IGSF5: variants seen among roughly 807,000 people sequenced by gnomAD.
IGSF5 encodes immunoglobulin superfamily member 5, also known as immunoglobulin superfamily 5 like.
A neutral mutation model predicts 39.4 loss-of-function variants in IGSF5; 41 were observed. The ratio of observed to expected loss-of-function variants is 1.04; its 90% CI spans 0.81 to 1.35. The LOEUF is 1.35. IGSF5 is among the 40% of genes most tolerant of loss of function. The pLI is 0.00. For missense variants in IGSF5, 487 were observed against 494.6 expected, an observed-to-expected ratio of 0.98 and a Z score of 0.15; for synonymous variants, 183 against 175.3, an observed-to-expected ratio of 1.04 and a Z score of -0.34.
chr21:39,795,941 C>T (rs1030290654), intron 8 of IGSF5, among the ~76,000 whole-genome samples: 1 of 152,098 alleles, frequency 6.6e-6, no homozygotes, highest in Non-Finnish European at 1.5e-5. Flanking sequence ...ATAACTGGAT[C>T]TTTCTACTCA....
the IGSF5 span, among the ~76,000 whole-genome samples, chr21:39,715,899 G>T: frequency 6.6e-6 from 1 of 152,088 alleles, no homozygotes; most frequent in Non-Finnish European, 1.5e-5. Flanking sequence ...GTGTGGGGGG[G>T]TGGCTGGGGA....
At chr21:39,798,185 A>G (rs920691921) in intron 8 of IGSF5, among the ~76,000 whole-genome samples, 1 of 152,172 alleles carries the variant, frequency 6.6e-6, no homozygotes, top group African/African-American at 2.4e-5. Context: ...GGCTAGGCTT[A>G]AGGGTTATTG....
intron 2 of IGSF5, among the ~76,000 whole-genome samples, chr21:39,754,083 ACC>A (rs1435186965): frequency 6.6e-6 from 1 of 151,984 alleles, no homozygotes; most frequent in African/African-American, 2.4e-5. Flanking sequence ...TGTTTTATAG[ACC>A]CTGTGAGATT....
chr21:39,778,253 G>C (rs1024004963), intron 4 of IGSF5, among the ~76,000 whole-genome samples: 2 of 152,212 alleles, frequency 1.3e-5, no homozygotes, highest in Non-Finnish European at 2.9e-5. Context: ...AATGTGGCTA[G>C]TGCAACTGAG....
At chr21:39,774,917 C>T (rs959070528) in intron 4 of IGSF5, among the ~76,000 whole-genome samples, 1 of 152,182 alleles carries the variant, frequency 6.6e-6, no homozygotes, top group African/African-American at 2.4e-5. Context: ...AACTTCAGGG[C>T]TCAGTTTTCT....
intron 8 of IGSF5, among the ~76,000 whole-genome samples, chr21:39,798,815 G>C (rs745345991): frequency 3.9e-5 from 6 of 152,246 alleles, no homozygotes; most frequent in Non-Finnish European, 7.3e-5. Context: ...CACTGCCACG[G>C]AGATGAGCAA....
chr21:39,765,632 G>A lies in IGSF5; in HGVS notation c.198G>A (p.Trp66Ter), dbSNP rs745891551. 23 of 1,614,156 alleles carry A rather than the reference G, an allele frequency of 1.4e-5. 1 individual carries two copies. In the South Asian group the frequency reaches 2.4e-4, roughly 17 times the overall value. Residue 66 changes from tryptophan (W) to a stop codon, truncating the protein, a stop_gained, in exon 3 of 9, where the codon TGG (tryptophan) becomes TGA (stop). Transcript: ENST00000380588. LOFTEE classifies it high-confidence loss of function. ...TCAACTGCACCGTCTCCCAGGGCTG[G>A]AAGCTCATCATGTGGGCTCTCAGTG... is the stretch of plus-strand genomic sequence containing the variant. ...ARFNCTVSQG[W>*]KLIMWALSDM...
At chr21:39,756,696 C>T (rs1010436039) in intron 2 of IGSF5, among the ~76,000 whole-genome samples, 8 of 152,046 alleles carry the variant, frequency 5.3e-5, no homozygotes, top group East Asian at 1.9e-4. Flanking sequence ...TGTTGTTTTG[C>T]GGGTGGTTCA....
At chr21:39,792,614 G>C (rs1040733661) in intron 7 of IGSF5, among the ~76,000 whole-genome samples, 2 of 152,072 alleles carry the variant, frequency 1.3e-5, no homozygotes, top group East Asian at 1.9e-4. Flanking sequence ...TAATACATTG[G>C]GGGTAACTTC....
chr21:39,798,213 G>C lies in IGSF5; in HGVS notation c.1129-3049G>C, dbSNP rs2087008437. ...GGTTATTGGTTACCTTATAGCAAGA[G>C]GGGAATCAGGAGTTTTGGAAAGGGA... is the stretch of plus-strand genomic sequence containing the variant. On this transcript the variant is annotated intron_variant, in intron 8 of 8. Transcript: ENST00000380588. Among the ~76,000 whole-genome samples, 8 of 152,322 alleles carry C rather than the reference G, an allele frequency of 5.3e-5. No individual in the cohort carries two copies. In the South Asian group the frequency reaches 1.7e-3, roughly 32 times the overall value.
chr21:39,749,191 T>C (rs2079991662), intron 2 of IGSF5, among the ~76,000 whole-genome samples: 1 of 149,800 alleles, frequency 6.7e-6, no homozygotes, highest in South Asian at 2.1e-4. Context: ...AACAAATAGG[T>C]TTCTTTTGGA....
the IGSF5 span, among the ~76,000 whole-genome samples, chr21:39,716,791 C>T: frequency 6.6e-6 from 1 of 152,156 alleles, no homozygotes; most frequent in South Asian, 2.1e-4. Context: ...CTATGGTGAA[C>T]AGTGCTGCAA....
intron 2 of IGSF5, among the ~76,000 whole-genome samples, chr21:39,763,642 C>T (rs1240920146): frequency 6.6e-6 from 1 of 152,166 alleles, no homozygotes; most frequent in Non-Finnish European, 1.5e-5. Flanking sequence ...GTGGCCCGGA[C>T]TTCTCACAGG....
At chr21:39,743,062 T>C (rs1404625277), upstream of IGSF5, among the ~76,000 whole-genome samples, 1 of 152,168 alleles carries the variant, frequency 6.6e-6, no homozygotes, top group African/African-American at 2.4e-5. Flanking sequence ...TATGCTATAG[T>C]GTACATCATT....
At chr21:39,758,661 G>A (rs572651242) in intron 2 of IGSF5, among the ~76,000 whole-genome samples, 23 of 152,266 alleles carry the variant, frequency 1.5e-4, no homozygotes, top group African/African-American at 5.5e-4. Flanking sequence ...TGTGTGCAAG[G>A]CCTGGGTCTC....
chr21:39,768,236 T>A (rs1601130158), intron 3 of IGSF5, among the ~76,000 whole-genome samples: 1 of 151,470 alleles, frequency 6.6e-6, no homozygotes, highest in South Asian at 2.1e-4. Context: ...ACTTAGTTCC[T>A]AGAGGAGCAA....
the IGSF5 span, among the ~76,000 whole-genome samples, chr21:39,723,203 T>C: frequency 6.6e-6 from 1 of 152,178 alleles, no homozygotes; most frequent in African/African-American, 2.4e-5. Context: ...TGGGGAAGGA[T>C]AGGACTTTGA....
At chr21:39,727,341 G>A in the IGSF5 span, among the ~76,000 whole-genome samples, 1 of 152,162 alleles carries the variant, frequency 6.6e-6, no homozygotes, top group African/African-American at 2.4e-5. Context: ...AAAGAAAGAA[G>A]TTACTCCACC....
chr21:39,771,844 C>T (rs1182986816), intron 4 of IGSF5, among the ~76,000 whole-genome samples: 1 of 152,190 alleles, frequency 6.6e-6, no homozygotes, highest in Non-Finnish European at 1.5e-5. Context: ...TTGAGTCAGC[C>T]TGGACAGGGT....
Sources: allele counts gnomAD v4.1 joint callset (sites outside exome capture counted in the v4.1 genomes callset), GRCh38; gene constraint gnomAD v4.1.1; transcripts MANE v1.5; gene names NCBI Gene and HGNC (gene_info 2026-07-23, HGNC 2026-07-21).